Variants in LRMDA observed in about 807,000 individuals in gnomAD.
LRMDA encodes the protein leucine rich melanocyte differentiation associated.
A neutral mutation model predicts 29.8 loss-of-function variants in LRMDA; 18 were observed. The observed-to-expected ratio is 0.60, with a 90% CI of 0.42 to 0.90. LRMDA has a LOEUF of 0.90. Ranked by LOEUF, LRMDA falls within the 40% of genes least tolerant of loss-of-function variation. LRMDA has a pLI of 0.00. For missense variants in LRMDA, 273 were observed against 273.9 expected, an observed-to-expected ratio of 1.00 and a Z score of 0.02; for synonymous variants, 125 against 109.4, an observed-to-expected ratio of 1.14 and a Z score of -0.89.
At chr10:76,246,211 G>A (rs1852373112) in intron 5 of LRMDA, among the ~76,000 whole-genome samples, 2 of 152,154 alleles carry the variant, frequency 1.3e-5, no homozygotes, top group South Asian at 4.1e-4. Flanking sequence ...GGAACCCAAG[G>A]CCCACTGTAG....
At chr10:76,521,172 C>G (rs548531504) in intron 6 of LRMDA, among the ~76,000 whole-genome samples, 5 of 146,742 alleles carry the variant, frequency 3.4e-5, no homozygotes, top group Non-Finnish European at 7.4e-5. Flanking sequence ...CTCGCTCTGT[C>G]GCCCAGGCTG....
intron 6 of LRMDA, among the ~76,000 whole-genome samples, chr10:76,413,126 C>T (rs928543585): frequency 1.3e-5 from 2 of 152,180 alleles, no homozygotes; most frequent in African/African-American, 4.8e-5. Flanking sequence ...CTTCTTCTCA[C>T]ATCCCTTAAT....
chr10:75,933,612 A>G (rs764157016), intron 2 of LRMDA, among the ~76,000 whole-genome samples: 2 of 152,130 alleles, frequency 1.3e-5, no homozygotes, highest in Non-Finnish European at 2.9e-5. Flanking sequence ...CTGTCTGGTC[A>G]TGCATCTGCT....
intron 6 of LRMDA, among the ~76,000 whole-genome samples, chr10:76,478,482 A>C (rs2132324106): frequency 6.6e-6 from 1 of 152,316 alleles, no homozygotes; most frequent in South Asian, 2.1e-4. Context: ...TGTGGAAGTC[A>C]GTGTGGCAAT....
chr10:76,027,051 A>G (rs1848074475), intron 2 of LRMDA, among the ~76,000 whole-genome samples: 1 of 152,192 alleles, frequency 6.6e-6, no homozygotes, highest in Non-Finnish European at 1.5e-5. Flanking sequence ...GGACTTTGAA[A>G]TGACTAAGAC....
rs1202621837 is a variant in LRMDA at position 76,363,209 on chromosome 10, G to A, written c.601+38724G>A. Among the ~76,000 whole-genome samples the A allele has an allele frequency of 3.9e-4, 5 of 12,880 alleles. 1 individual carries two copies. In the South Asian group the frequency reaches 9.8e-3, roughly 25 times the overall value. 8.4% of individuals were successfully genotyped at this position (12,880 alleles called of 152,430 possible). On this transcript the variant is annotated intron_variant, in intron 6 of 6. Coordinates refer to ENST00000611255, the MANE Select transcript of LRMDA (RefSeq NM_001305581.2). The stretch of plus-strand genomic sequence containing the variant: ...GGGAGGGAGGGAGGGAGGGAGGGAG[G>A]GAAGGAAGAGAAAGAAAGAAAGAAA...
intron 2 of LRMDA, among the ~76,000 whole-genome samples, chr10:75,661,334 G>A (rs1468220718): frequency 6.6e-6 from 1 of 152,210 alleles, no homozygotes; most frequent in Non-Finnish European, 1.5e-5. Context: ...ATTTCTTGCC[G>A]TGAGTGGGAG....
chr10:76,417,968 G>A (rs1274729581), intron 6 of LRMDA, among the ~76,000 whole-genome samples: 6 of 152,096 alleles, frequency 3.9e-5, no homozygotes, highest in Non-Finnish European at 8.8e-5. Flanking sequence ...TATATGTGAA[G>A]TTGTCTTGGA....
intron 5 of LRMDA, among the ~76,000 whole-genome samples, chr10:76,221,663 G>A (rs1378491183): frequency 6.6e-6 from 1 of 152,182 alleles, no homozygotes; most frequent in African/African-American, 2.4e-5. Context: ...TGGGTAGGAA[G>A]AATCAATATC....
chr10:75,793,016 C>T (rs1843595271), intron 2 of LRMDA, among the ~76,000 whole-genome samples: 1 of 152,074 alleles, frequency 6.6e-6, no homozygotes, highest in South Asian at 2.1e-4. Flanking sequence ...GCTCTGTGTA[C>T]AAGAGAATGA....
chr10:76,062,416 G>A (rs142918879), intron 5 of LRMDA, among the ~76,000 whole-genome samples: 1 of 152,208 alleles, frequency 6.6e-6, no homozygotes, highest in Non-Finnish European at 1.5e-5. Flanking sequence ...CATCCAGGAG[G>A]TAATAAAGGC....
chr10:76,234,691 T>G (rs1852119315), intron 5 of LRMDA, among the ~76,000 whole-genome samples: 1 of 152,222 alleles, frequency 6.6e-6, no homozygotes, highest in Non-Finnish European at 1.5e-5. Context: ...CACCTTGCCC[T>G]TTTATGAAGA....
chr10:75,557,789 C>A (rs1034176518), intron 2 of LRMDA, among the ~76,000 whole-genome samples: 6 of 152,158 alleles, frequency 3.9e-5, no homozygotes, highest in African/African-American at 1.4e-4. Context: ...AGCTCTTTTC[C>A]TCTTCTTTTA....
intron 5 of LRMDA, among the ~76,000 whole-genome samples, chr10:76,165,793 T>G (rs564727916): frequency 6.6e-6 from 1 of 152,170 alleles, no homozygotes; most frequent in Non-Finnish European, 1.5e-5. Flanking sequence ...CATTATTTAA[T>G]TATCTCTTAC....
intron 6 of LRMDA, among the ~76,000 whole-genome samples, chr10:76,489,530 T>C (rs1842813010): frequency 6.6e-6 from 1 of 151,928 alleles, no homozygotes. Context: ...CTCTGATCTT[T>C]ATTATTTATT....
At chr10:76,248,378 C>T (rs938736030) in intron 5 of LRMDA, among the ~76,000 whole-genome samples, 1 of 152,180 alleles carries the variant, frequency 6.6e-6, no homozygotes, top group Non-Finnish European at 1.5e-5. Flanking sequence ...CTTAACATAT[C>T]TAGGCAATAC....
chr10:75,924,795 GT>G (rs1477757077), intron 2 of LRMDA, among the ~76,000 whole-genome samples: 1 of 151,988 alleles, frequency 6.6e-6, no homozygotes, highest in Non-Finnish European at 1.5e-5. Context: ...TGGGAAGGAG[GT>G]GGGGGAGGCT....
At chr10:75,493,357 G>GTGTA (rs1845009703) in intron 2 of LRMDA, among the ~76,000 whole-genome samples, 1 of 149,206 alleles carries the variant, frequency 6.7e-6, no homozygotes. Context: ...GGGTGTGTGT[G>GTGTA]TGTGTGTGTG....
intron 5 of LRMDA, among the ~76,000 whole-genome samples, chr10:76,170,245 A>T (rs183049345): frequency 1.8e-4 from 27 of 152,342 alleles, no homozygotes; most frequent in African/African-American, 6.5e-4. Flanking sequence ...GAATTGGTAG[A>T]AAACCAAAAC....
Sources: gnomAD v4.1 joint callset for allele counts (sites outside exome capture counted in the v4.1 genomes callset) on GRCh38, gnomAD v4.1.1 for gene constraint, MANE v1.5 for transcripts, NCBI Gene and HGNC (gene_info 2026-07-23, HGNC 2026-07-21) for gene names.